The following MRPL35 variants were observed in gnomAD, a reference collection of about 807,000 sequenced individuals.
MRPL35 encodes the protein mitochondrial ribosomal protein L35.
In MRPL35, 18 loss-of-function variants were observed where a neutral mutation model predicts 21.6. That is an observed-to-expected ratio of 0.83 (90% CI 0.58 to 1.24). The LOEUF is 1.24. Ranked by LOEUF, MRPL35 falls within the 50% of genes most tolerant of loss-of-function variation. The probability of loss-of-function intolerance (pLI) is 0.00; values close to 1 mark genes in which losing one functional copy is unlikely to be tolerated. For missense variants in MRPL35, 223 were observed against 223.2 expected (o/e 1.00, Z 0.01); for synonymous variants, 87 against 86.9 (o/e 1.00, Z -0.01).
intron 1 of MRPL35, 122 bp downstream of exon 1, chr2:86,199,655 T>G: frequency 7.9e-7 from 1 of 1,260,178 alleles, no homozygotes; most frequent in Non-Finnish European, 1.1e-6. Context: ...GTTAAGAAGG[T>G]TGCGCCCAAT....
rs1388165388 is a variant in MRPL35, at chr2:86,212,626, C to T, written c.*1958C>T. ...TGTTACAGGGGCCTCAGAGCACCTT[C>T]GTTTCTCCTCTAGACCAGGGACAGG... On this transcript the variant is annotated 3_prime_UTR_variant, in exon 4 of 4. Coordinates refer to ENST00000337109, the MANE Select transcript of MRPL35 (RefSeq NM_016622.4). 1.5e-6 allele frequency: 2 copies of T among 1,375,496 alleles called. No individual in the cohort carries two copies. Among genetic ancestry groups the T allele is most frequent in the Non-Finnish European group, 1.9e-6 (2 of 1,066,492 alleles). 85.2% of individuals were successfully genotyped at this position (1,375,496 alleles called of 1,614,324 possible). A position where few individuals can be genotyped will look rare whatever the true frequency, so the allele number is the denominator to read the frequency against.
chr2:86,206,519 T>C (rs539511189), intron 2 of MRPL35, among the ~76,000 whole-genome samples: 1 of 152,154 alleles, frequency 6.6e-6, no homozygotes, highest in East Asian at 1.9e-4. Context: ...GTAGAGTCTA[T>C]TTCAATAAAC....
chr2:86,199,481 G>C lies in MRPL35; in HGVS notation c.-10G>C, dbSNP rs1340784385. ...TAAACCCAAAGCGGCCGCCGTAGGC[G>C]AAGGTGAAGATGGCTGCCTCTGCCT... On this transcript the variant is annotated 5_prime_UTR_variant, in exon 1 of 4. Transcript: ENST00000337109. 6 of 1,614,010 alleles carry C rather than the reference G, an allele frequency of 3.7e-6. No individual in the cohort carries two copies. The African/African-American group carries it at 5.3e-5, about 14-fold the overall frequency.
At position 86,199,550 on chromosome 2, in the gene MRPL35, A is replaced by G. The variant is rs780275197; in HGVS notation, c.43+17A>G. 2.0e-5 allele frequency: 33 copies of G among 1,613,982 alleles called. No individual in the cohort carries two copies. In the East Asian group the frequency reaches 6.5e-4, roughly 32 times the overall value. On this transcript the variant is annotated intron_variant, in intron 1 of 3. Coordinates refer to ENST00000337109, the MANE Select transcript of MRPL35 (RefSeq NM_016622.4). ...CAGCTTCAGGTCAGTGGAGAGCGAC[A>G]TACTCCATGCATGCCTTCACAGAAG...
chr2:86,213,739 C>G lies in MRPL35; in HGVS notation c.*3071C>G. ...TGGACTATTCTATTTTCACAGCTACCTAGTTTCTGCCGATGATTTTTTTAA... is the reference window on the plus strand; with the variant it reads ...TGGACTATTCTATTTTCACAGCTACGTAGTTTCTGCCGATGATTTTTTTAA... On this transcript the variant is annotated 3_prime_UTR_variant, in exon 4 of 4. Coordinates refer to ENST00000337109, the MANE Select transcript of MRPL35 (RefSeq NM_016622.4). 6.9e-7 allele frequency: 1 copy of G among 1,458,220 alleles called. No individual in the cohort carries two copies. The highest frequency in any genetic ancestry group is 9.4e-7 in the Non-Finnish European group (1 of 1,069,092). 90.3% of individuals were successfully genotyped at this position (1,458,220 alleles called of 1,614,324 possible).
Position 86,211,389 on chromosome 2 carries a change from T to C in MRPL35, c.*721T>C. 1.0e-6 allele frequency: 1 copy of C among 984,542 alleles called. No homozygotes were observed. Among genetic ancestry groups the C allele is most frequent in the Non-Finnish European group, 1.2e-6 (1 of 829,298 alleles). 61.0% of individuals were successfully genotyped at this position (984,542 alleles called of 1,614,324 possible). The stretch of plus-strand genomic sequence containing the variant: ...GGTCTGGTTGGGTCATTGTCTAGAG[T>C]AGGGATTGGCTGTCCTTAAGTCAGG... On this transcript the variant is annotated 3_prime_UTR_variant, in exon 4 of 4. Transcript: ENST00000337109.
Position 86,210,727 on chromosome 2 carries a change from G to T in MRPL35, c.*59G>T. 1 of 1,498,780 alleles carries T rather than the reference G, an allele frequency of 6.7e-7. No homozygotes were observed. Among genetic ancestry groups the T allele is most frequent in the Non-Finnish European group, 8.9e-7 (1 of 1,119,860 alleles). The allele number at this position is 1,498,780 out of a possible 1,614,324, so 92.8% of individuals were successfully genotyped here. On this transcript the variant is annotated 3_prime_UTR_variant, in exon 4 of 4. Transcript: ENST00000337109. ...TATGTATCTTTGTGTACATATCTTTGCAAAAATGGATAAGTACAAAACTTG... is the reference window on the plus strand; with the variant it reads ...TATGTATCTTTGTGTACATATCTTTTCAAAAATGGATAAGTACAAAACTTG...
Position 86,212,048 on chromosome 2 carries a change from T to C in MRPL35, c.*1380T>C. On this transcript the variant is annotated 3_prime_UTR_variant, in exon 4 of 4. Transcript: ENST00000337109. The stretch of plus-strand genomic sequence containing the variant: ...GTTCCCAACTCTCCGATCAGAATCA[T>C]CTGGGAAGCATTTTCAAACAGCAAA... The C allele has an allele frequency of 9.5e-7, 1 of 1,052,968 alleles. No homozygotes were observed. The highest frequency in any genetic ancestry group is 1.7e-5 in the African/African-American group (1 of 58,622). 65.2% of individuals were successfully genotyped at this position (1,052,968 alleles called of 1,614,324 possible). A position where few individuals can be genotyped will look rare whatever the true frequency, so the allele number is the denominator to read the frequency against.
In MRPL35 at chr2:86,213,578, TGCA is replaced by T; in HGVS notation, c.*2915_*2917del. The T allele has an allele frequency of 6.5e-7, 1 of 1,546,638 alleles. No homozygotes were observed. Among genetic ancestry groups the T allele is most frequent in the Non-Finnish European group, 8.7e-7 (1 of 1,144,276 alleles). ...CTGTTCAGATGTGAAAGGTAAGGGC[TGCA>T]GCAGGTTTAAGGGTGGCCCTTCACC... On this transcript the variant is annotated 3_prime_UTR_variant, in exon 4 of 4. Coordinates refer to ENST00000337109, the MANE Select transcript of MRPL35 (RefSeq NM_016622.4).
intron 1 of MRPL35, among the ~76,000 whole-genome samples, chr2:86,203,415 C>T (rs960076993): frequency 2.0e-5 from 3 of 152,114 alleles, no homozygotes; most frequent in African/African-American, 4.8e-5. Flanking sequence ...CCCGATCTCA[C>T]GTGATCGGTG....
rs1226711987 is a variant in MRPL35, at chr2:86,211,232, C to G, written c.*564C>G. On this transcript the variant is annotated 3_prime_UTR_variant, in exon 4 of 4. Transcript: ENST00000337109. ...TCTCTACACAGCTTTTGCATACTTA[C>G]AGTTTCTGTTCCTTTGTAATAACTT... 5 of 942,642 alleles carry G rather than the reference C, an allele frequency of 5.3e-6. No homozygotes were observed. Among genetic ancestry groups the G allele is most frequent in the Non-Finnish European group, 6.3e-6 (5 of 791,362 alleles). The allele number at this position is 942,642 out of a possible 1,614,324, so 58.4% of individuals were successfully genotyped here. A position where few individuals can be genotyped will look rare whatever the true frequency, so the allele number is the denominator to read the frequency against.
rs1558858851 is a variant in MRPL35 at position 86,213,715 on chromosome 2, G to A, written c.*3047G>A. On this transcript the variant is annotated 3_prime_UTR_variant, in exon 4 of 4. Transcript: ENST00000337109. ...TTTGCACAATTGAAACTCTACCAGT[G>A]GACTATTCTATTTTCACAGCTACCT... The A allele has an allele frequency of 1.3e-6, 2 of 1,524,814 alleles. No individual in the cohort carries two copies. The highest frequency in any genetic ancestry group is 1.8e-6 in the Non-Finnish European group (2 of 1,125,224). The allele number at this position is 1,524,814 out of a possible 1,614,324, so 94.5% of individuals were successfully genotyped here.
chr2:86,211,731 A>C lies in MRPL35; in HGVS notation c.*1063A>C, dbSNP rs568614348. On this transcript the variant is annotated 3_prime_UTR_variant, in exon 4 of 4. Coordinates refer to ENST00000337109, the MANE Select transcript of MRPL35 (RefSeq NM_016622.4). ...TGCCCAGGCTGGAGTGCAGTGGTGC[A>C]ATCATAGCTCATTGAAGCCTCGCAC... 1.0e-6 allele frequency: 1 copy of C among 983,170 alleles called. No homozygotes were observed. Among genetic ancestry groups the C allele is most frequent in the African/African-American group, 1.7e-5 (1 of 57,282 alleles). 60.9% of individuals were successfully genotyped at this position (983,170 alleles called of 1,614,324 possible).
chr2:86,210,440 C>T, intron 3 of MRPL35, 40 bp from the exon 4 acceptor site: 1 of 1,531,646 alleles, frequency 6.5e-7, no homozygotes, highest in Non-Finnish European at 8.8e-7. Flanking sequence ...TTGTTTCATA[C>T]ATAGTATGAT....
chr2:86,207,787 A>G (rs1673833132), intron 3 of MRPL35, among the ~76,000 whole-genome samples: 1 of 152,056 alleles, frequency 6.6e-6, no homozygotes, highest in Non-Finnish European at 1.5e-5. Flanking sequence ...GGTGCCTATA[A>G]TCCCAGCTGC....
intron 1 of MRPL35, 80 bp downstream of exon 1, chr2:86,199,613 G>A (rs1038776661): frequency 1.7e-5 from 26 of 1,548,212 alleles, no homozygotes; most frequent in Non-Finnish European, 2.0e-5. Flanking sequence ...GTTTAGACTG[G>A]AGGTTAACAA....
chr2:86,211,199 C>A lies in MRPL35; in HGVS notation c.*531C>A. 1 of 974,158 alleles carries A rather than the reference C, an allele frequency of 1.0e-6. No individual in the cohort carries two copies. Among genetic ancestry groups the A allele is most frequent in the Non-Finnish European group, 1.2e-6 (1 of 819,744 alleles). The allele number at this position is 974,158 out of a possible 1,614,324, so 60.3% of individuals were successfully genotyped here. ...CATTGTTAACTCCATTCTCTCTATTCACCAACTTCTCTACACAGCTTTTGC... is the reference window on the plus strand; with the variant it reads ...CATTGTTAACTCCATTCTCTCTATTAACCAACTTCTCTACACAGCTTTTGC... On this transcript the variant is annotated 3_prime_UTR_variant, in exon 4 of 4. Transcript: ENST00000337109.
rs771380680 is a variant in MRPL35 at position 86,213,662 on chromosome 2, A to G, written c.*2994A>G. 14 of 1,550,520 alleles carry G rather than the reference A, an allele frequency of 9.0e-6. No individual in the cohort carries two copies. The highest frequency in any genetic ancestry group is 1.2e-5 in the Non-Finnish European group (14 of 1,146,936). On this transcript the variant is annotated 3_prime_UTR_variant, in exon 4 of 4. Coordinates refer to ENST00000337109, the MANE Select transcript of MRPL35 (RefSeq NM_016622.4). ...CATTTGCAGATGAAGAAATGTTCAG[A>G]GAAGAAAAATGATGGACCAAACGTC... is the stretch of plus-strand genomic sequence containing the variant.
chr2:86,212,222 TTAGGGAGATTCCTCG>T lies in MRPL35; in HGVS notation c.*1555_*1569del. 1 of 1,352,592 alleles carries T rather than the reference TTAGGGAGATTCCTCG, an allele frequency of 7.4e-7. No homozygotes were observed. Among genetic ancestry groups the T allele is most frequent in the Non-Finnish European group, 9.5e-7 (1 of 1,051,738 alleles). 83.8% of individuals were successfully genotyped at this position (1,352,592 alleles called of 1,614,324 possible). On this transcript the variant is annotated 3_prime_UTR_variant, in exon 4 of 4. Transcript: ENST00000337109. The stretch of plus-strand genomic sequence containing the variant: ...TCTGCAGCATGTCAGGCCAGGATTA[TTAGGGAGATTCCTCG>T]AAACTAGTGTGTGTTTATTAAAAGG...
Sources: allele counts gnomAD v4.1 joint callset (sites outside exome capture counted in the v4.1 genomes callset), GRCh38; gene constraint gnomAD v4.1.1; transcripts MANE v1.5; gene names NCBI Gene and HGNC (gene_info 2026-07-23, HGNC 2026-07-21).